CHD1L: variants seen among roughly 807,000 people sequenced by gnomAD.
CHD1L encodes the protein ATP-dependent chromatin remodeler CHD1L.
Under a neutral mutation model 115.9 loss-of-function variants are expected in CHD1L, and 118 were observed. That is an observed-to-expected ratio of 1.02 (90% CI 0.88 to 1.19). The LOEUF (loss-of-function observed/expected upper bound fraction) is 1.19. Among genes scored for constraint, CHD1L ranks in the 50% most tolerant of loss-of-function variants. CHD1L has a pLI of 0.00. For synonymous variants in CHD1L, 411 were observed against 387.1 expected, an observed-to-expected ratio of 1.06 and a Z score of -0.72; for missense variants, 1,179 against 1,065.3, an observed-to-expected ratio of 1.11 and a Z score of -1.49.
At chr1:147,226,867 C>T in the CHD1L span, among the ~76,000 whole-genome samples, 3 of 151,034 alleles carry the variant, frequency 2.0e-5, no homozygotes, top group Non-Finnish European at 4.4e-5. Context: ...GGGTCTCACT[C>T]TGGCACTTGG....
rs1559749560 is a variant in CHD1L at position 147,254,884 on chromosome 1, C to A, written c.255C>A (p.Phe85Leu). 1 of 1,604,038 alleles carries A rather than the reference C, an allele frequency of 6.2e-7. No homozygotes were observed. The highest frequency in any genetic ancestry group is 1.1e-5 in the South Asian group (1 of 88,440). ...CTGTGTTCCAGACTATTGCTCTCTT[C>A]ATTTATTTGGCAGGAAGATTAAATG... ...LGKTCQTIAL[F>L]IYLAGRLNDE... Residue 85 changes from phenylalanine to leucine, a missense_variant, in exon 3 of 23, where the codon TTC becomes TTA. Physicochemically the swap from Phe to Leu is conservative, Grantham distance 22 (BLOSUM62 0). Coordinates refer to ENST00000369258, the MANE Select transcript of CHD1L (RefSeq NM_004284.6).
At chr1:147,232,309 A>G in the CHD1L span, among the ~76,000 whole-genome samples, 1 of 152,140 alleles carries the variant, frequency 6.6e-6, no homozygotes, top group South Asian at 2.1e-4. Context: ...GAAAAAGCTG[A>G]GTGTTGGGAA....
intron 10 of CHD1L, among the ~76,000 whole-genome samples, chr1:147,270,487 ACAG>A (rs1553952070): frequency 6.6e-6 from 1 of 150,746 alleles, no homozygotes; most frequent in African/African-American, 2.4e-5. Context: ...ATGACTGACC[ACAG>A]GCTTTCTTCA....
Position 147,275,401 on chromosome 1 carries a change from G to T in CHD1L, c.1318G>T (p.Asp440Tyr). 6.2e-7 allele frequency: 1 copy of T among 1,614,092 alleles called. No individual in the cohort carries two copies. The highest frequency in any genetic ancestry group is 8.5e-7 in the Non-Finnish European group (1 of 1,179,970). ...LTAADTVIFVDSDFNPQNDLQ... is the reference protein window; with the variant it reads ...LTAADTVIFVYSDFNPQNDLQ... ...AGCAGCAGATACTGTGATTTTTGTTGACAGTGACTTTAATCCTCAGAATGA... is the reference window on the plus strand; with the variant it reads ...AGCAGCAGATACTGTGATTTTTGTTTACAGTGACTTTAATCCTCAGAATGA... The change falls in exon 13 of 23, where the codon GAC (aspartate) becomes TAC (tyrosine). Residue 440 changes from aspartate to tyrosine, a missense_variant. Coordinates refer to ENST00000369258, the MANE Select transcript of CHD1L (RefSeq NM_004284.6).
At chr1:147,219,825 T>C in the CHD1L span, among the ~76,000 whole-genome samples, 1 of 143,526 alleles carries the variant, frequency 7.0e-6, no homozygotes, top group African/African-American at 2.6e-5. Context: ...ATGGTTAACA[T>C]ACAAATGTTA....
chr1:147,207,510 T>C, the CHD1L span, among the ~76,000 whole-genome samples: 12 of 152,228 alleles, frequency 7.9e-5, no homozygotes, highest in Admixed American at 5.9e-4. Flanking sequence ...ATTTCTTCAT[T>C]ATAATCTGTC....
At chr1:147,231,771 C>G in the CHD1L span, among the ~76,000 whole-genome samples, 1 of 152,066 alleles carries the variant, frequency 6.6e-6, no homozygotes, top group South Asian at 2.1e-4. Flanking sequence ...TTCGCTAAGA[C>G]CATTGGAAAA....
At chr1:147,207,486 A>G in the CHD1L span, among the ~76,000 whole-genome samples, 3 of 152,334 alleles carry the variant, frequency 2.0e-5, no homozygotes, top group East Asian at 5.8e-4. Flanking sequence ...TTGTACTTTC[A>G]TAACACTGTA....
the CHD1L span, chr1:147,179,538 T>G: frequency 6.3e-7 from 1 of 1,587,550 alleles, no homozygotes; most frequent in South Asian, 1.1e-5. Context: ...ATTAAGTGAT[T>G]TTATTAGCTA....
chr1:147,247,293 G>C (rs957967320), intron 1 of CHD1L, among the ~76,000 whole-genome samples: 1 of 151,778 alleles, frequency 6.6e-6, no homozygotes, highest in African/African-American at 2.4e-5. Flanking sequence ...TTGATCCCCA[G>C]TGTTGGAGGT....
the CHD1L span, among the ~76,000 whole-genome samples, chr1:147,232,961 T>C: frequency 2.6e-5 from 4 of 151,140 alleles, no homozygotes; most frequent in African/African-American, 9.8e-5. Flanking sequence ...TGGCCACCCA[T>C]CGTCTGGGAC....
intron 9 of CHD1L, among the ~76,000 whole-genome samples, chr1:147,267,802 T>A (rs1674536840): frequency 6.6e-6 from 1 of 152,218 alleles, no homozygotes; most frequent in Non-Finnish European, 1.5e-5. Flanking sequence ...TCTTCTATAA[T>A]CTAGAAACAT....
chr1:147,280,058 A>G lies in CHD1L; in HGVS notation c.1572A>G (p.Lys524=), dbSNP rs1234558441. 1.9e-6 allele frequency: 3 copies of G among 1,614,080 alleles called. No individual in the cohort carries two copies. The Admixed American group carries it at 5.0e-5, about 27-fold the overall frequency. ...AGATACTCAAATTTGGTTTGGATAA[A>G]CTGCTGGCCTCTGAGGGGAGCACCA... ...LSEILKFGLD[K]LLASEGSTMD... Residue 524 remains lysine (K), a synonymous_variant, in exon 15 of 23, where the codon AAA becomes AAG. Transcript: ENST00000369258.
intron 2 of CHD1L, among the ~76,000 whole-genome samples, chr1:147,252,982 C>T (rs1307115295): frequency 6.6e-6 from 1 of 152,172 alleles, no homozygotes; most frequent in Admixed American, 6.5e-5. Context: ...TTTGGATGTT[C>T]ACATAGCTCT....
At chr1:147,256,431 A>G in intron 4 of CHD1L, 100 bp from the exon 5 acceptor site, 1 of 1,031,860 alleles carries the variant, frequency 9.7e-7, no homozygotes, top group Admixed American at 2.2e-5. Flanking sequence ...AATGAGACTT[A>G]GATAAATCCT....
the CHD1L span, among the ~76,000 whole-genome samples, chr1:147,229,589 T>A: frequency 2.0e-5 from 3 of 152,208 alleles, no homozygotes; most frequent in African/African-American, 4.8e-5. Context: ...AATCTATAAA[T>A]TACCTTGGGC....
intron 11 of CHD1L, among the ~76,000 whole-genome samples, chr1:147,271,798 C>T (rs1309031582): frequency 1.3e-5 from 2 of 152,152 alleles, no homozygotes; most frequent in African/African-American, 4.8e-5. Flanking sequence ...AGAAGGGGCT[C>T]ACTCACCTGC....
the CHD1L span, among the ~76,000 whole-genome samples, chr1:147,231,918 A>C: frequency 1.3e-5 from 2 of 152,150 alleles, no homozygotes; most frequent in Non-Finnish European, 2.9e-5. Flanking sequence ...GTTCATGGTC[A>C]GTGCACTGCA....
chr1:147,270,517 TTTTC>T (rs1675748770), intron 10 of CHD1L, among the ~76,000 whole-genome samples: 1 of 2,410 alleles, frequency 4.1e-4, no homozygotes, highest in African/African-American at 1.8e-3. Context: ...CCAGTTTTTC[TTTTC>T]TTTTTTTTTG....
Sources: allele counts gnomAD v4.1 joint callset (sites outside exome capture counted in the v4.1 genomes callset), GRCh38; gene constraint gnomAD v4.1.1; transcripts MANE v1.5; gene names NCBI Gene and HGNC (gene_info 2026-07-23, HGNC 2026-07-21).